The following SUSD5 variants were observed in gnomAD, a reference collection of about 807,000 sequenced individuals.
The protein encoded by SUSD5 is sushi domain containing 5.
In SUSD5, 33 loss-of-function variants were observed where a neutral mutation model predicts 29.5. The ratio of observed to expected loss-of-function variants is 1.12; its 90% CI spans 0.85 to 1.49. The LOEUF (loss-of-function observed/expected upper bound fraction) is 1.49, where lower values mean the gene tolerates loss of function less well. Ranked by LOEUF, SUSD5 falls within the 40% of genes most tolerant of loss-of-function variation. SUSD5 has a pLI of 0.00. For synonymous variants in SUSD5, 308 were observed against 325.3 expected, an observed-to-expected ratio of 0.95 and a Z score of 0.57; for missense variants, 776 against 800.6, an observed-to-expected ratio of 0.97 and a Z score of 0.37.
In SUSD5 at chr3:33,204,406, C is replaced by T. The variant is rs1228771278; in HGVS notation, c.409+3402G>A. Among the ~76,000 whole-genome samples, 5 of 149,870 alleles carry T rather than the reference C, an allele frequency of 3.3e-5. No individual in the cohort carries two copies. The highest frequency in any genetic ancestry group is 7.4e-5 in the Non-Finnish European group (5 of 67,370). ...TGCGATCTCGGCTCACTGCAAGCTCCGCCTCCCAAGTTAACACCATTCTCC... is the reference window on the plus strand; with the variant it reads ...TGCGATCTCGGCTCACTGCAAGCTCTGCCTCCCAAGTTAACACCATTCTCC... On this transcript the variant is annotated intron_variant, in intron 3 of 4. Transcript: ENST00000309558. This position sits in a 1 kb window ranked among gnomAD's most constrained non-coding sequence, Gnocchi z 4.5.
chr3:33,163,468 A>G (rs2031236125), intron 4 of SUSD5, among the ~76,000 whole-genome samples: 1 of 152,202 alleles, frequency 6.6e-6, no homozygotes, highest in Non-Finnish European at 1.5e-5. Flanking sequence ...TTAGAAAAGC[A>G]TCTGACAAAG....
intron 3 of SUSD5, among the ~76,000 whole-genome samples, chr3:33,177,509 T>C (rs1426519083): frequency 6.6e-6 from 1 of 152,132 alleles, no homozygotes; most frequent in Admixed American, 6.5e-5. Context: ...TGGTGTTTTT[T>C]GGCTTTTTTG....
chr3:33,157,543 A>G (rs2031082457), intron 4 of SUSD5, among the ~76,000 whole-genome samples: 1 of 152,180 alleles, frequency 6.6e-6, no homozygotes, highest in Admixed American at 6.5e-5. Flanking sequence ...TGGAAGACAG[A>G]CTGCAATAAT....
At chr3:33,160,144 GTT>G (rs1328815678) in intron 4 of SUSD5, among the ~76,000 whole-genome samples, 4 of 152,116 alleles carry the variant, frequency 2.6e-5, no homozygotes, top group Non-Finnish European at 4.4e-5. Context: ...TAAAAAAATT[GTT>G]TTATGTTTTG....
chr3:33,187,379 C>T (rs562929564), intron 3 of SUSD5, among the ~76,000 whole-genome samples: 2 of 152,204 alleles, frequency 1.3e-5, no homozygotes, highest in Non-Finnish European at 2.9e-5. Context: ...GGTACATACA[C>T]CATATGTTTC....
At chr3:33,168,887 T>C (rs751755211) in intron 4 of SUSD5, among the ~76,000 whole-genome samples, 5 of 152,228 alleles carry the variant, frequency 3.3e-5, no homozygotes, top group African/African-American at 7.2e-5. Context: ...TGGCCTCAAG[T>C]AATTGGCTCG....
intron 1 of SUSD5, among the ~76,000 whole-genome samples, chr3:33,216,864 T>C (rs771924694): frequency 2.0e-5 from 3 of 152,144 alleles, no homozygotes; most frequent in Non-Finnish European, 4.4e-5. Flanking sequence ...CTCTTCCTGG[T>C]TCTAGTATAA....
rs61743461 is a variant in SUSD5 at position 33,153,817 on chromosome 3, A to C, written c.815T>G (p.Leu272Trp). The C allele has an allele frequency of 6.2e-6, 10 of 1,613,890 alleles. No individual in the cohort carries two copies. Among genetic ancestry groups the C allele is most frequent in the Admixed American group, 1.7e-5 (1 of 60,022 alleles). ...RDKVFVPTTG[L>W]PGAGSSVPAD... ...GGGGACACTGCTCCCAGCACCAGGC[A>C]AGCCTGTGGTTGGCACAAAGACTTT... Residue 272 changes from leucine to tryptophan, a missense_variant, in exon 5 of 5, where the codon TTG (leucine) becomes TGG (tryptophan). By Grantham distance (61) the Leu-to-Trp change is moderately conservative. Coordinates refer to ENST00000309558, the MANE Select transcript of SUSD5 (RefSeq NM_015551.2).
intron 3 of SUSD5, among the ~76,000 whole-genome samples, chr3:33,176,367 G>C (rs1048181031): frequency 1.3e-5 from 2 of 152,206 alleles, no homozygotes; most frequent in Non-Finnish European, 2.9e-5. Context: ...ATACCAAAGA[G>C]CGTGACTGCT....
intron 3 of SUSD5, among the ~76,000 whole-genome samples, chr3:33,199,430 C>A (rs937689916): frequency 6.6e-6 from 1 of 152,164 alleles, no homozygotes; most frequent in Non-Finnish European, 1.5e-5. Context: ...CCCGCCACCA[C>A]GCCCGGCTAA....
At chr3:33,170,507 A>T (rs2031401447) in intron 4 of SUSD5, among the ~76,000 whole-genome samples, 1 of 152,150 alleles carries the variant, frequency 6.6e-6, no homozygotes, top group Non-Finnish European at 1.5e-5. Flanking sequence ...TAAGTGAGAG[A>T]CTGCATCCCC....
chr3:33,191,773 C>T (rs1362620332), intron 3 of SUSD5, among the ~76,000 whole-genome samples: 2 of 151,896 alleles, frequency 1.3e-5, no homozygotes, highest in Non-Finnish European at 1.5e-5. Context: ...TAGCGAGATC[C>T]CATCTCAATT....
chr3:33,200,163 C>T (rs1372958917), intron 3 of SUSD5, among the ~76,000 whole-genome samples: 1 of 152,090 alleles, frequency 6.6e-6, no homozygotes, highest in Non-Finnish European at 1.5e-5. Flanking sequence ...ACTGCCTCAC[C>T]CCGTCTACCA....
chr3:33,201,274 T>C (rs1328955226), intron 3 of SUSD5, among the ~76,000 whole-genome samples: 1 of 152,174 alleles, frequency 6.6e-6, no homozygotes, highest in Admixed American at 6.5e-5. Flanking sequence ...CACATGTATA[T>C]GTCTGCAAGG....
chr3:33,213,491 C>G (rs1157197445), intron 2 of SUSD5, among the ~76,000 whole-genome samples: 2 of 152,104 alleles, frequency 1.3e-5, no homozygotes, highest in African/African-American at 2.4e-5. Flanking sequence ...TGTAAGTAAA[C>G]TCAAACATGA....
intron 4 of SUSD5, among the ~76,000 whole-genome samples, chr3:33,159,015 G>A (rs6781908): frequency 0.32 from 48,118 of 152,126 alleles, 8,869 homozygotes; most frequent in East Asian, 0.5. Flanking sequence ...GCACGAATCC[G>A]GAGAGTGCAT....
At chr3:33,155,162 C>T (rs1033456939) in intron 4 of SUSD5, among the ~76,000 whole-genome samples, 6 of 152,166 alleles carry the variant, frequency 3.9e-5, no homozygotes, top group African/African-American at 1.4e-4. Flanking sequence ...GTTAGAGAAG[C>T]TATCTGCAAC....
At chr3:33,209,788 T>C (rs1018486390) in intron 2 of SUSD5, among the ~76,000 whole-genome samples, 9 of 152,076 alleles carry the variant, frequency 5.9e-5, no homozygotes, top group Middle Eastern at 3.4e-3. Context: ...GCTGGGACTA[T>C]AGGCATGCAC....
chr3:33,162,704 G>C (rs975551389), intron 4 of SUSD5, among the ~76,000 whole-genome samples: 2 of 152,152 alleles, frequency 1.3e-5, no homozygotes, highest in African/African-American at 2.4e-5. Context: ...TGTAATCCCA[G>C]AACTTTGGGA....
Sources: allele counts gnomAD v4.1 joint callset (sites outside exome capture counted in the v4.1 genomes callset), GRCh38; gene constraint gnomAD v4.1.1; non-coding constraint Gnocchi (gnomAD v3.1); transcripts MANE v1.5; gene names NCBI Gene and HGNC (gene_info 2026-07-23, HGNC 2026-07-21).